The following SPIRE1 variants were observed in gnomAD, a reference collection of about 807,000 sequenced individuals.
The protein encoded by SPIRE1 is protein spire homolog 1.
A neutral mutation model predicts 94.1 loss-of-function variants in SPIRE1; 40 were observed. That is an observed-to-expected ratio of 0.43 (90% CI 0.33 to 0.55). SPIRE1 has a LOEUF of 0.55. Among genes scored for constraint, SPIRE1 ranks in the 20% least tolerant of loss-of-function variants. The pLI is 0.06. For synonymous variants in SPIRE1, 376 were observed against 371.7 expected (o/e 1.01, Z -0.13); for missense variants, 838 against 975.2 (o/e 0.86, Z 1.87).
At chr18:12,645,022 G>C (rs2038186318) in intron 1 of SPIRE1, among the ~76,000 whole-genome samples, 1 of 151,802 alleles carries the variant, frequency 6.6e-6, no homozygotes, top group South Asian at 2.1e-4. Context: ...AAGGCAGGTA[G>C]ATGTCTTGAG....
chr18:12,648,371 CA>C (rs1427816809), intron 1 of SPIRE1, among the ~76,000 whole-genome samples: 8 of 152,118 alleles, frequency 5.3e-5, no homozygotes, highest in Non-Finnish European at 7.3e-5. Flanking sequence ...ATGATGTGAT[CA>C]GGGGGAGCCC....
chr18:12,645,217 G>A (rs2038192881), intron 1 of SPIRE1, among the ~76,000 whole-genome samples: 3 of 152,112 alleles, frequency 2.0e-5, no homozygotes, highest in Non-Finnish European at 4.4e-5. Context: ...TGCATCTTCT[G>A]TAGCCAGCTC....
At chr18:12,602,552 G>C (rs990223206) in intron 2 of SPIRE1, among the ~76,000 whole-genome samples, 3 of 152,100 alleles carry the variant, frequency 2.0e-5, no homozygotes, top group Non-Finnish European at 4.4e-5. Flanking sequence ...TTGAGATATA[G>C]CCACTTTAAA....
intron 12 of SPIRE1, among the ~76,000 whole-genome samples, chr18:12,460,453 C>T (rs1370612045): frequency 6.6e-6 from 1 of 152,236 alleles, no homozygotes; most frequent in Admixed American, 6.5e-5. Context: ...TGGCTCACGC[C>T]TGTAATCTCA....
At chr18:12,626,011 C>CAG (rs1196004464) in intron 2 of SPIRE1, among the ~76,000 whole-genome samples, 2 of 150,742 alleles carry the variant, frequency 1.3e-5, no homozygotes, top group African/African-American at 4.9e-5. Context: ...GCCTGGACAA[C>CAG]AGAGAGAGAC....
chr18:12,631,548 C>CAAAAAAAAAAAAAAAAAAAAA lies in SPIRE1; in HGVS notation c.372+3493_372+3513dup, dbSNP rs869278182. On this transcript the variant is annotated intron_variant, in intron 2 of 16. Transcript: ENST00000409402. ...GCAACATAGCAAAACCCCATCTCTACAAAAAAAAAAAAAAAAAAAAAAAAA... is the reference window on the plus strand; with the variant it reads ...GCAACATAGCAAAACCCCATCTCTACAAAAAAAAAAAAAAAAAAAAAAAAAAAAAAAAAAAAAAAAAAAAAA... 1.8e-3 allele frequency among the ~76,000 whole-genome samples: 112 copies of CAAAAAAAAAAAAAAAAAAAAA among 63,792 alleles called. 6 individuals carry two copies. Among genetic ancestry groups the CAAAAAAAAAAAAAAAAAAAAA allele is most frequent in the Non-Finnish European group, 2.4e-3 (88 of 36,546 alleles). The allele number at this position is 63,792 out of a possible 152,430, so 41.9% of individuals were successfully genotyped here.
In SPIRE1 at chr18:12,452,175, C is replaced by A. The variant is rs1277203012; in HGVS notation, c.2012+80G>T. The stretch of plus-strand genomic sequence containing the variant: ...CAATAAAAACCCCTCGAGCCAAAAC[C>A]CTAACACTCTACCACAGTCCTCAAG... On this transcript the variant is annotated intron_variant, in intron 16 of 16. Coordinates refer to ENST00000409402, the MANE Select transcript of SPIRE1 (RefSeq NM_001128626.2). The A allele has an allele frequency of 5.1e-6, 8 of 1,568,834 alleles. No individual in the cohort carries two copies. In the Middle Eastern group the frequency reaches 9.2e-4, roughly 181 times the overall value.
chr18:12,643,133 T>TTA (rs746977954), intron 1 of SPIRE1, among the ~76,000 whole-genome samples: 20 of 152,182 alleles, frequency 1.3e-4, no homozygotes, highest in Non-Finnish European at 2.5e-4. Flanking sequence ...TTTTAAATGT[T>TTA]TATACATAAA....
At chr18:12,526,292 GT>G (rs2034522992) in intron 4 of SPIRE1, among the ~76,000 whole-genome samples, 1 of 152,056 alleles carries the variant, frequency 6.6e-6, no homozygotes, top group Non-Finnish European at 1.5e-5. Context: ...TGGCCTTCAT[GT>G]GTGCTGTTTA....
intron 16 of SPIRE1, among the ~76,000 whole-genome samples, chr18:12,451,874 C>A (rs1272023167): frequency 6.6e-6 from 1 of 152,182 alleles, no homozygotes; most frequent in Non-Finnish European, 1.5e-5. Flanking sequence ...TATGGCAGAA[C>A]ATTGTAAACA....
chr18:12,623,938 T>C (rs996037375), intron 2 of SPIRE1, among the ~76,000 whole-genome samples: 12 of 146,036 alleles, frequency 8.2e-5, no homozygotes, highest in Non-Finnish European at 1.3e-4. Context: ...TTTTTTTTTT[T>C]CTTGAGATGG....
intron 1 of SPIRE1, among the ~76,000 whole-genome samples, chr18:12,649,744 A>G (rs981201222): frequency 6.6e-6 from 1 of 152,196 alleles, no homozygotes; most frequent in Non-Finnish European, 1.5e-5. Flanking sequence ...AGTGAGGCCA[A>G]TGGTTTCCTA....
rs1421241231 is a variant in SPIRE1, at chr18:12,452,467, G to C, written c.1875+18C>G. The C allele has an allele frequency of 1.2e-6, 2 of 1,613,856 alleles. No individual in the cohort carries two copies. Among genetic ancestry groups the C allele is most frequent in the East Asian group, 4.5e-5 (2 of 44,894 alleles). On this transcript the variant is annotated intron_variant, in intron 15 of 16. Coordinates refer to ENST00000409402, the MANE Select transcript of SPIRE1 (RefSeq NM_001128626.2). ...CACTAAAAGGAACACAAGTATAAAT[G>C]AACCAAGCTTAGCTTACCTTTTTGC...
chr18:12,473,320 A>T (rs996181051), intron 10 of SPIRE1, among the ~76,000 whole-genome samples: 3 of 151,948 alleles, frequency 2.0e-5, no homozygotes, highest in Admixed American at 2.0e-4. Context: ...AAAAAAAAAA[A>T]TTGAGAAAGA....
At chr18:12,650,876 C>CAAAAA (rs34966832) in intron 1 of SPIRE1, among the ~76,000 whole-genome samples, 1 of 74,232 alleles carries the variant, frequency 1.3e-5, no homozygotes, top group Non-Finnish European at 2.7e-5. Flanking sequence ...GACCCTGTCT[C>CAAAAA]AAAAAAAAAA....
chr18:12,480,079 C>T (rs1387537368), intron 9 of SPIRE1, among the ~76,000 whole-genome samples: 3 of 152,264 alleles, frequency 2.0e-5, no homozygotes, highest in African/African-American at 7.2e-5. Flanking sequence ...CATATTCATA[C>T]TTGTAGATTA....
chr18:12,479,176 C>CTT (rs35129611), intron 10 of SPIRE1, among the ~76,000 whole-genome samples: 24 of 122,816 alleles, frequency 2.0e-4, no homozygotes, highest in Non-Finnish European at 3.1e-4. Flanking sequence ...TTTTCTTTTT[C>CTT]TTTTTTTTTT....
chr18:12,602,216 T>C lies in SPIRE1; in HGVS notation c.372+32846A>G, dbSNP rs1226062514. Reference sequence around the variant, plus strand: ...ACAGACAGCAACATAAGAGATCAGATAAAAATCCCTTCCTTTCTCTATTTA... The same window carrying C: ...ACAGACAGCAACATAAGAGATCAGACAAAAATCCCTTCCTTTCTCTATTTA... On this transcript the variant is annotated intron_variant, in intron 2 of 16. Transcript: ENST00000409402. Among the ~76,000 whole-genome samples, 3 of 152,130 alleles carry C rather than the reference T, an allele frequency of 2.0e-5. No homozygotes were observed. The East Asian group carries it at 5.8e-4, about 29-fold the overall frequency.
At chr18:12,659,657 G>T (rs1018063730), upstream of SPIRE1, among the ~76,000 whole-genome samples, 7 of 152,084 alleles carry the variant, frequency 4.6e-5, no homozygotes, top group African/African-American at 1.7e-4. Context: ...GGGACAGAGC[G>T]AGAGTCTGTC....
Sources: allele counts gnomAD v4.1 joint callset (sites outside exome capture counted in the v4.1 genomes callset), GRCh38; gene constraint gnomAD v4.1.1; transcripts MANE v1.5; gene names NCBI Gene and HGNC (gene_info 2026-07-23, HGNC 2026-07-21).